CTNNA2: variants seen among roughly 807,000 people sequenced by gnomAD.
CTNNA2 encodes catenin alpha 2, also known as catenin alpha-2.
A neutral mutation model predicts 101.0 loss-of-function variants in CTNNA2; 42 were observed. The observed-to-expected ratio is 0.42, with a 90% CI of 0.32 to 0.54. The LOEUF (loss-of-function observed/expected upper bound fraction) is 0.54, where lower values mean the gene tolerates loss of function less well. CTNNA2 is among the 20% of genes least tolerant of loss of function. The probability of loss-of-function intolerance (pLI) is 0.14; values close to 1 mark genes in which losing one functional copy is unlikely to be tolerated. For missense variants in CTNNA2, 871 were observed against 1,223.1 expected, an observed-to-expected ratio of 0.71 and a Z score of 4.29; for synonymous variants, 450 against 456.4, an observed-to-expected ratio of 0.99 and a Z score of 0.18.
chr2:79,703,587 G>A (rs544507203), intron 2 of CTNNA2, among the ~76,000 whole-genome samples: 210 of 152,230 alleles, frequency 1.4e-3, no homozygotes, highest in Non-Finnish European at 2.2e-3. Context: ...TTTATCTACT[G>A]CCTTCCAGTT....
At chr2:79,509,646 G>A (rs1671492950), upstream of CTNNA2, among the ~76,000 whole-genome samples, 1 of 152,138 alleles carries the variant, frequency 6.6e-6, no homozygotes, top group African/African-American at 2.4e-5. Flanking sequence ...TTTTTAGTGA[G>A]TAAAACTAGT....
intron 7 of CTNNA2, among the ~76,000 whole-genome samples, chr2:80,248,070 A>G (rs1002399492): frequency 1.3e-5 from 2 of 151,072 alleles, no homozygotes; most frequent in African/African-American, 4.9e-5. Flanking sequence ...TTTGAACTAC[A>G]TAATCGAAAC....
At position 80,423,570 on chromosome 2, in the gene CTNNA2, A is replaced by G. The variant is rs140831536; in HGVS notation, c.1290+3969A>G. ...TAAGTCAAAGAACTCCAATGTTTGG[A>G]TCAATTTTGTTTTTGTTTTGGGGCG... On this transcript the variant is annotated intron_variant, in intron 9 of 18. Coordinates refer to ENST00000402739, the MANE Select transcript of CTNNA2 (RefSeq NM_001282597.3). 1.1e-4 allele frequency among the ~76,000 whole-genome samples: 17 copies of G among 152,284 alleles called. No homozygotes were observed. The East Asian group carries it at 3.3e-3, about 29-fold the overall frequency.
intron 1 of CTNNA2, among the ~76,000 whole-genome samples, chr2:79,612,392 G>T (rs1321095831): frequency 1.3e-5 from 2 of 152,048 alleles, no homozygotes; most frequent in Non-Finnish European, 2.9e-5. Context: ...TGTTTTTGTT[G>T]GAGGTTTGAA....
At chr2:80,556,148 AC>A (rs1419217114) in intron 12 of CTNNA2, among the ~76,000 whole-genome samples, 1 of 152,218 alleles carries the variant, frequency 6.6e-6, no homozygotes, top group Non-Finnish European at 1.5e-5. Flanking sequence ...ATTCTCACAA[AC>A]AATAAAATTT....
intron 7 of CTNNA2, among the ~76,000 whole-genome samples, chr2:80,050,373 C>T (rs911376927): frequency 6.6e-6 from 1 of 151,766 alleles, no homozygotes; most frequent in African/African-American, 2.4e-5. Context: ...TCAACAGACT[C>T]GGGGTCTGTG....
At chr2:80,310,622 G>A (rs548156294) in intron 7 of CTNNA2, among the ~76,000 whole-genome samples, 7 of 152,174 alleles carry the variant, frequency 4.6e-5, no homozygotes, top group Non-Finnish European at 8.8e-5. Context: ...AAGCTTTGAT[G>A]TTAACAGAGT....
At chr2:80,297,312 T>C (rs1201417407) in intron 7 of CTNNA2, among the ~76,000 whole-genome samples, 3 of 152,132 alleles carry the variant, frequency 2.0e-5, no homozygotes, top group African/African-American at 7.2e-5. Flanking sequence ...AATTAGCACA[T>C]CCCAGTGCTT....
intron 7 of CTNNA2, chr2:80,162,357 C>A: frequency 1.7e-6 from 2 of 1,202,548 alleles, no homozygotes; most frequent in Non-Finnish European, 2.3e-6. Context: ...TGTAAAGCTG[C>A]TCTGTACAGT....
intron 18 of CTNNA2, among the ~76,000 whole-genome samples, chr2:80,643,393 T>C (rs1467427807): frequency 1.3e-5 from 2 of 152,134 alleles, no homozygotes; most frequent in East Asian, 1.9e-4. Context: ...GGTTGTGAGA[T>C]AGAATGAAAT....
At chr2:79,466,386 C>T (rs868274807) in intron 4 of CTNNA2, among the ~76,000 whole-genome samples, 16 of 152,328 alleles carry the variant, frequency 1.1e-4, no homozygotes, top group Non-Finnish European at 2.9e-5. Context: ...CCTGGAAGCT[C>T]GAACTGGGTG....
At chr2:80,313,410 C>T (rs1034430505) in intron 7 of CTNNA2, 5 of 1,433,638 alleles carry the variant, frequency 3.5e-6, no homozygotes, top group African/African-American at 1.4e-5. Context: ...GTGGTGCCTA[C>T]CCTGTGTGTT....
chr2:79,201,952 A>T (rs905124013), intron 2 of CTNNA2, among the ~76,000 whole-genome samples: 1 of 152,184 alleles, frequency 6.6e-6, no homozygotes, highest in Non-Finnish European at 1.5e-5. Flanking sequence ...ACATCATTCC[A>T]TATGTGTGAG....
rs115180003 is a variant in CTNNA2, at chr2:79,530,579, A to G, written c.-6+17372A>G. 4.6e-3 allele frequency among the ~76,000 whole-genome samples: 693 copies of G among 152,244 alleles called. 5 individuals are homozygous for G. The highest frequency in any genetic ancestry group is 7.5e-3 in the Non-Finnish European group (509 of 68,014). On this transcript the variant is annotated intron_variant, in intron 1 of 18. Coordinates refer to ENST00000402739, the MANE Select transcript of CTNNA2 (RefSeq NM_001282597.3). ...GTTTCCAGGCAGGAAAGGAGATCATAAAATGTTGTTGCATAGATCAGAGAG... is the reference window on the plus strand; with the variant it reads ...GTTTCCAGGCAGGAAAGGAGATCATGAAATGTTGTTGCATAGATCAGAGAG...
At chr2:79,521,364 G>T (rs1404138017) in intron 1 of CTNNA2, among the ~76,000 whole-genome samples, 2 of 151,746 alleles carry the variant, frequency 1.3e-5, no homozygotes, top group Non-Finnish European at 2.9e-5. Flanking sequence ...CACTTCTTTA[G>T]TTCCTAGCAC....
rs202210209 is a variant in CTNNA2 at position 79,874,156 on chromosome 2, G to T, written c.666G>T (p.Thr222=). 2.0e-4 allele frequency: 320 copies of T among 1,614,184 alleles called. 1 individual carries two copies. In the Middle Eastern group the frequency reaches 3.1e-3, roughly 16 times the overall value. The change falls in exon 6 of 19, where the codon ACG becomes ACT. Residue 222 remains threonine (T), a synonymous_variant. Coordinates refer to ENST00000402739, the MANE Select transcript of CTNNA2 (RefSeq NM_001282597.3). ...ALKKNATMLY[T]ASQAFLRHPD... ...AGAAGAATGCCACAATGCTGTACACGGCCTCTCAAGCATTTCTCCGCCACC... is the reference window on the plus strand; with the variant it reads ...AGAAGAATGCCACAATGCTGTACACTGCCTCTCAAGCATTTCTCCGCCACC...
At chr2:79,507,370 G>A (rs1671435371) in intron 5 of CTNNA2, among the ~76,000 whole-genome samples, 1 of 152,090 alleles carries the variant, frequency 6.6e-6, no homozygotes, top group African/African-American at 2.4e-5. Flanking sequence ...ATGGATTAAT[G>A]CCATTACTGA....
intron 3 of CTNNA2, among the ~76,000 whole-genome samples, chr2:79,755,116 A>G (rs1392849734): frequency 6.6e-6 from 1 of 152,050 alleles, no homozygotes; most frequent in Non-Finnish European, 1.5e-5. Context: ...GCTTGAGGTT[A>G]GTAGTTCAAA....
At chr2:79,686,538 C>T (rs572583120) in intron 2 of CTNNA2, among the ~76,000 whole-genome samples, 1 of 152,106 alleles carries the variant, frequency 6.6e-6, no homozygotes, top group South Asian at 2.1e-4. Context: ...AATGTGCATA[C>T]CCTGAGAAAC....
Sources: gnomAD v4.1 joint callset for allele counts (sites outside exome capture counted in the v4.1 genomes callset) on GRCh38, gnomAD v4.1.1 for gene constraint, MANE v1.5 for transcripts, NCBI Gene and HGNC (gene_info 2026-07-23, HGNC 2026-07-21) for gene names.